P3H1: variants seen among roughly 807,000 people sequenced by gnomAD.
P3H1 encodes growth suppressor 1.
In P3H1, 69 loss-of-function variants were observed where a neutral mutation model predicts 84.0. The observed-to-expected ratio is 0.82, with a 90% CI of 0.68 to 1.00. P3H1 has a LOEUF of 1.00. Among genes scored for constraint, P3H1 ranks in the 50% least tolerant of loss-of-function variants. The pLI is 0.00. For missense variants in P3H1, 878 were observed against 962.8 expected (o/e 0.91, Z 1.17); for synonymous variants, 366 against 388.8 (o/e 0.94, Z 0.69).
chr1:42,749,293 T>C (rs1027116659), intron 11 of P3H1, among the ~76,000 whole-genome samples: 2 of 152,202 alleles, frequency 1.3e-5, no homozygotes, highest in Non-Finnish European at 2.9e-5. Flanking sequence ...CCAAACATTC[T>C]GAGGTAGAGG....
chr1:42,753,380 TTC>T (rs963893007), intron 8 of P3H1, among the ~76,000 whole-genome samples: 3 of 152,154 alleles, frequency 2.0e-5, no homozygotes, highest in African/African-American at 4.8e-5. Context: ...AGGTCAACAT[TTC>T]TCTCTTACAG....
chr1:42,750,098 C>T, intron 11 of P3H1, 88 bp downstream of exon 11: 2 of 1,475,690 alleles, frequency 1.4e-6, no homozygotes, highest in Non-Finnish European at 1.9e-6. Flanking sequence ...AAAGGGACCG[C>T]ATCCTGTTCT....
chr1:42,763,400 G>A (rs1406932140), intron 1 of P3H1, among the ~76,000 whole-genome samples: 4 of 151,826 alleles, frequency 2.6e-5, no homozygotes, highest in African/African-American at 4.8e-5. Flanking sequence ...GGTCGGGGGC[G>A]GTAGCTCATG....
chr1:42,759,354 C>T lies in P3H1; in HGVS notation c.655G>A (p.Glu219Lys). 1.9e-6 allele frequency: 3 copies of T among 1,614,178 alleles called. No individual in the cohort carries two copies. The highest frequency in any genetic ancestry group is 2.5e-6 in the Non-Finnish European group (3 of 1,180,024). Residue 219 changes from glutamate to lysine, a missense_variant, in exon 3 of 15, where the codon GAA (glutamate) becomes AAA (lysine). Physicochemically the swap from Glu to Lys is moderately conservative, Grantham distance 56. Transcript: ENST00000296388. Reference protein sequence around the residue: ...FRLGVRLYSEEQPQEAVPHLE... With the variant: ...FRLGVRLYSEKQPQEAVPHLE... ...TGGGGCACAGCTTCCTGTGGCTGTT[C>T]CTCTGAGTAGAGTCGCACTCCCAGT...
chr1:42,746,650 G>T lies in P3H1; in HGVS notation c.*47C>A. 1 of 1,473,986 alleles carries T rather than the reference G, an allele frequency of 6.8e-7. No homozygotes were observed. The highest frequency in any genetic ancestry group is 9.3e-7 in the Non-Finnish European group (1 of 1,077,048). 91.3% of individuals were successfully genotyped at this position (1,473,986 alleles called of 1,614,324 possible). A position where few individuals can be genotyped will look rare whatever the true frequency, so the allele number is the denominator to read the frequency against. On this transcript the variant is annotated 3_prime_UTR_variant, in exon 15 of 15. Coordinates refer to ENST00000296388, the MANE Select transcript of P3H1 (RefSeq NM_022356.4). ...GCTGGCCAGCTCAGAGTGCAGAAGAGTTCCTCTCCATGGGTCTAGTCACCC... is the reference window on the plus strand; with the variant it reads ...GCTGGCCAGCTCAGAGTGCAGAAGATTTCCTCTCCATGGGTCTAGTCACCC...
At position 42,752,341 on chromosome 1, in the gene P3H1, C is replaced by T. The variant is rs557547513; in HGVS notation, c.1502G>A (p.Arg501Gln). ...GGGAGTATGTGGGGAGGTCTGACCC[C>T]GGTAGCCATCTCCTGAGGTTGCTGC... ...NVAATSGDGY[R>Q]GQTSPHTPNE... Residue 501 changes from arginine to glutamine, a missense_variant, in exon 10 of 15, where the codon CGG (arginine) becomes CAG (glutamine). Physicochemically the swap from Arg to Gln is conservative, Grantham distance 43 (BLOSUM62 1). Coordinates refer to ENST00000296388, the MANE Select transcript of P3H1 (RefSeq NM_022356.4). 2.3e-5 allele frequency: 37 copies of T among 1,614,138 alleles called. No individual in the cohort carries two copies. Among genetic ancestry groups the T allele is most frequent in the African/African-American group, 8.0e-5 (6 of 75,032 alleles).
intron 1 of P3H1, among the ~76,000 whole-genome samples, 165 bp downstream of exon 1, chr1:42,766,342 C>T (rs1268280100): frequency 1.3e-5 from 2 of 152,200 alleles, no homozygotes; most frequent in Non-Finnish European, 2.9e-5. Flanking sequence ...AGGAAGGTCT[C>T]CTGCCAGGGA....
chr1:42,752,834 T>C lies in P3H1; in HGVS notation c.1346-170A>G, dbSNP rs533729982. Among the ~76,000 whole-genome samples the C allele has an allele frequency of 2.0e-5, 3 of 152,324 alleles. No individual in the cohort carries two copies. The South Asian group carries it at 6.2e-4, about 32-fold the overall frequency. On this transcript the variant is annotated intron_variant, in intron 8 of 14. Coordinates refer to ENST00000296388, the MANE Select transcript of P3H1 (RefSeq NM_022356.4). ...GTAGAATAGTCCAGAGGACAGAACA[T>C]AGAGCTGAAAGATGAGATTCCCAGT... is the stretch of plus-strand genomic sequence containing the variant.
chr1:42,766,775 G>T lies in P3H1; in HGVS notation c.197C>A (p.Ala66Glu). The T allele has an allele frequency of 6.3e-7, 1 of 1,597,376 alleles. No individual in the cohort carries two copies. The highest frequency in any genetic ancestry group is 2.2e-5 in the East Asian group (1 of 44,476). The part of the protein sequence containing the change: ...LSMERALRSR[A>E]ALRALRLRCR... ...GCGCAGGCGAAGGGCGCGGAGGGCT[G>T]CCCGGGAGCGCAGCGCCCGTTCCAT... Residue 66 changes from alanine to glutamate, a missense_variant, in exon 1 of 15, where the codon GCA becomes GAA. Coordinates refer to ENST00000296388, the MANE Select transcript of P3H1 (RefSeq NM_022356.4).
In P3H1 at chr1:42,752,461, G is replaced by C. The variant is rs1652158297; in HGVS notation, c.1473+76C>G. 12 of 1,611,950 alleles carry C rather than the reference G, an allele frequency of 7.4e-6. No homozygotes were observed. The East Asian group carries it at 1.8e-4, about 24-fold the overall frequency. On this transcript the variant is annotated intron_variant, in intron 9 of 14. Coordinates refer to ENST00000296388, the MANE Select transcript of P3H1 (RefSeq NM_022356.4). ...CTGTGGCCAGGAAGAGGAAGGCGAA[G>C]GCTACCACCCAAGGGGCACTTGGTG...
intron 1 of P3H1, among the ~76,000 whole-genome samples, chr1:42,766,008 C>A (rs943991259): frequency 4.1e-5 from 2 of 48,880 alleles, no homozygotes; most frequent in Middle Eastern, 0.011. Flanking sequence ...GCCAGAGGGT[C>A]CCCCCCCCGC....
rs912635153 is a variant in P3H1, at chr1:42,766,746, G to A, written c.226C>T (p.Arg76Cys). ...AALRALRLRC[R>C]TQCAADFPWE... The stretch of plus-strand genomic sequence containing the variant: ...GGGAAGTCGGCGGCACACTGGGTGC[G>A]GCAGCGCAGGCGAAGGGCGCGGAGG... The change falls in exon 1 of 15, where the codon CGC (arginine) becomes TGC (cysteine). Residue 76 changes from arginine (R) to cysteine (C), a missense_variant. Physicochemically the swap from Arg to Cys is radical, Grantham distance 180. Coordinates refer to ENST00000296388, the MANE Select transcript of P3H1 (RefSeq NM_022356.4). The A allele has an allele frequency of 2.5e-6, 4 of 1,581,032 alleles. No homozygotes were observed. The highest frequency in any genetic ancestry group is 1.8e-5 in the Admixed American group (1 of 56,260).
Position 42,766,785 on chromosome 1 carries a change from G to T in P3H1, c.187C>A (p.Arg63Ser). ...GVVLSMERALRSRAALRALRL... is the reference protein window; with the variant it reads ...GVVLSMERALSSRAALRALRL... Reference sequence around the variant, plus strand: ...AGGGCGCGGAGGGCTGCCCGGGAGCGCAGCGCCCGTTCCATGCTCAGGACC... The same window carrying T: ...AGGGCGCGGAGGGCTGCCCGGGAGCTCAGCGCCCGTTCCATGCTCAGGACC... Residue 63 changes from arginine to serine, a missense_variant, in exon 1 of 15, where the codon CGC becomes AGC. Transcript: ENST00000296388. The T allele has an allele frequency of 6.3e-7, 1 of 1,599,966 alleles. No homozygotes were observed. Among genetic ancestry groups the T allele is most frequent in the Non-Finnish European group, 8.5e-7 (1 of 1,177,584 alleles).
chr1:42,759,267 C>T lies in P3H1; in HGVS notation c.742G>A (p.Gly248Arg). 2 of 1,614,170 alleles carry T rather than the reference C, an allele frequency of 1.2e-6. No homozygotes were observed. The highest frequency in any genetic ancestry group is 1.7e-6 in the Non-Finnish European group (2 of 1,180,044). The part of the protein sequence containing the change: ...AYEECRALCE[G>R]PYDYDGYNYL... ...TTGTAGCCATCGTAGTCATAGGGCC[C>T]TTCGCAGAGGGCACGGCACTCCTCA... Residue 248 changes from glycine (G) to arginine (R), a missense_variant, in exon 3 of 15, where the codon GGG (glycine) becomes AGG (arginine). By Grantham distance (125) the Gly-to-Arg change is moderately radical. Coordinates refer to ENST00000296388, the MANE Select transcript of P3H1 (RefSeq NM_022356.4).
chr1:42,747,564 A>C (rs1373261145), intron 13 of P3H1, 152 bp from the exon 14 acceptor site: 1 of 1,098,736 alleles, frequency 9.1e-7, no homozygotes, highest in African/African-American at 1.5e-5. Context: ...GTGACTGGTT[A>C]GAGGAGTGAT....
intron 6 of P3H1, 127 bp from the exon 7 acceptor site, chr1:42,755,344 TG>T: frequency 1.9e-6 from 2 of 1,046,840 alleles, no homozygotes; most frequent in Non-Finnish European, 2.9e-6. Context: ...GGAGACAAAA[TG>T]GGAGGTTTCC....
At chr1:42,747,513 C>T in intron 13 of P3H1, 101 bp from the exon 14 acceptor site, 1 of 1,245,360 alleles carries the variant, frequency 8.0e-7, no homozygotes, top group Non-Finnish European at 1.2e-6. Context: ...GAGGGCAGCT[C>T]TTCAGTATGG....
At position 42,746,391 on chromosome 1, in the gene P3H1, C is replaced by T; in HGVS notation, c.*306G>A. Reference sequence around the variant, plus strand: ...AAACCAAGTAAAAAAAACCATGAATCATTTATTCTTTGGTTGTCTACACAG... The same window carrying T: ...AAACCAAGTAAAAAAAACCATGAATTATTTATTCTTTGGTTGTCTACACAG... On this transcript the variant is annotated 3_prime_UTR_variant, in exon 15 of 15. Coordinates refer to ENST00000296388, the MANE Select transcript of P3H1 (RefSeq NM_022356.4). 1 of 357,314 alleles carries T rather than the reference C, an allele frequency of 2.8e-6. No homozygotes were observed. The highest frequency in any genetic ancestry group is 5.1e-6 in the Non-Finnish European group (1 of 196,252). The allele number at this position is 357,314 out of a possible 1,614,324, so 22.1% of individuals were successfully genotyped here. A position where few individuals can be genotyped will look rare whatever the true frequency, so the allele number is the denominator to read the frequency against.
rs769782854 is a variant in P3H1, at chr1:42,766,578, G to A, written c.394C>T (p.Leu132Phe). 7.0e-5 allele frequency: 113 copies of A among 1,611,304 alleles called. No homozygotes were observed. Among genetic ancestry groups the A allele is most frequent in the Non-Finnish European group, 9.2e-5 (109 of 1,179,192 alleles). ...AACTCCAGCTCCATCTCTTCGCTGA[G>A]CGAGTGGGCGGCCGGCGGCCCGAGG... Reference protein sequence around the residue: ...RCLGPPAAHSLSEEMELEFRK... With the variant: ...RCLGPPAAHSFSEEMELEFRK... The change falls in exon 1 of 15, where the codon CTC becomes TTC. Residue 132 changes from leucine (L) to phenylalanine (F), a missense_variant. Leu to Phe is a conservative substitution (Grantham distance 22, BLOSUM62 0). Coordinates refer to ENST00000296388, the MANE Select transcript of P3H1 (RefSeq NM_022356.4).
Sources: gnomAD v4.1 joint callset for allele counts (sites outside exome capture counted in the v4.1 genomes callset) on GRCh38, gnomAD v4.1.1 for gene constraint, MANE v1.5 for transcripts, NCBI Gene and HGNC (gene_info 2026-07-23, HGNC 2026-07-21) for gene names.